The following ALCAM variants were observed in gnomAD, a reference collection of about 807,000 sequenced individuals.
ALCAM encodes activated leukocyte cell adhesion molecule.
In ALCAM, 30 loss-of-function variants were observed where a neutral mutation model predicts 70.9. The ratio of observed to expected loss-of-function variants is 0.42; its 90% CI spans 0.32 to 0.57. The LOEUF (loss-of-function observed/expected upper bound fraction) is 0.57. ALCAM is among the 20% of genes least tolerant of loss of function. The pLI, the probability that ALCAM is intolerant of heterozygous loss-of-function variation, is 0.11. For synonymous variants in ALCAM, 249 were observed against 242.5 expected (o/e 1.03, Z -0.25); for missense variants, 591 against 695.1 (o/e 0.85, Z 1.68).
chr3:105,518,827 T>A (rs1356495234), intron 1 of ALCAM, among the ~76,000 whole-genome samples: 1 of 152,102 alleles, frequency 6.6e-6, no homozygotes, highest in Admixed American at 6.6e-5. Flanking sequence ...TGTTGCATAT[T>A]TACATGAAGT....
At chr3:105,498,397 A>G (rs949134094) in intron 1 of ALCAM, among the ~76,000 whole-genome samples, 1 of 152,198 alleles carries the variant, frequency 6.6e-6, no homozygotes, top group East Asian at 1.9e-4. Context: ...TGTGCTAAGA[A>G]ATTCAGGACC....
intron 1 of ALCAM, among the ~76,000 whole-genome samples, chr3:105,514,589 A>T (rs1939330346): frequency 6.6e-6 from 1 of 152,018 alleles, no homozygotes; most frequent in Admixed American, 6.6e-5. Flanking sequence ...TAATAAAAAG[A>T]TAAATATTTA....
intron 1 of ALCAM, among the ~76,000 whole-genome samples, chr3:105,379,327 A>C (rs1018309893): frequency 6.6e-6 from 1 of 151,932 alleles, no homozygotes; most frequent in African/African-American, 2.4e-5. Context: ...ATCTGAATAC[A>C]TTTTGGGCTT....
At chr3:105,472,312 G>A (rs1937957999) in intron 1 of ALCAM, among the ~76,000 whole-genome samples, 1 of 151,492 alleles carries the variant, frequency 6.6e-6, no homozygotes, top group Non-Finnish European at 1.5e-5. Flanking sequence ...TACCTGAGAA[G>A]AATTCATTTC....
At chr3:105,520,046 C>T (rs1939491005) in intron 1 of ALCAM, 21 bp from the exon 2 acceptor site, 1 of 1,352,238 alleles carries the variant, frequency 7.4e-7, no homozygotes, top group South Asian at 1.4e-5. Context: ...TCTCTTCTTC[C>T]TTTTTTTTTT....
chr3:105,505,631 C>T (rs1290006853), intron 1 of ALCAM, among the ~76,000 whole-genome samples: 1 of 151,978 alleles, frequency 6.6e-6, no homozygotes, highest in Non-Finnish European at 1.5e-5. Flanking sequence ...GAATCAGAGC[C>T]TTTTAGATTA....
chr3:105,372,190 T>C (rs1444192877), intron 1 of ALCAM, among the ~76,000 whole-genome samples: 1 of 152,118 alleles, frequency 6.6e-6, no homozygotes, highest in Non-Finnish European at 1.5e-5. Context: ...ATAGATATTC[T>C]ATATTCAGGA....
intron 1 of ALCAM, among the ~76,000 whole-genome samples, chr3:105,459,253 T>C (rs755492535): frequency 1.3e-5 from 2 of 152,126 alleles, no homozygotes; most frequent in Non-Finnish European, 2.9e-5. Context: ...ACTCATCTCC[T>C]CTGTAAAGAC....
chr3:105,382,591 T>A (rs916340585), intron 1 of ALCAM, among the ~76,000 whole-genome samples: 1 of 151,962 alleles, frequency 6.6e-6, no homozygotes, highest in Admixed American at 6.6e-5. Flanking sequence ...CCACATCCTC[T>A]CCAGCACCTG....
chr3:105,460,421 T>C (rs2152597005), intron 1 of ALCAM, among the ~76,000 whole-genome samples: 1 of 152,158 alleles, frequency 6.6e-6, no homozygotes, highest in East Asian at 1.9e-4. Flanking sequence ...ACCAATTGTC[T>C]CTTAGATCAT....
chr3:105,472,699 G>A lies in ALCAM; in HGVS notation c.74-47368G>A, dbSNP rs1432052711. Among the ~76,000 whole-genome samples the A allele has an allele frequency of 9.9e-5, 15 of 151,406 alleles. No homozygotes were observed. In the Admixed American group the frequency reaches 9.9e-4, roughly 10 times the overall value. On this transcript the variant is annotated intron_variant, in intron 1 of 15. Coordinates refer to ENST00000306107, the MANE Select transcript of ALCAM (RefSeq NM_001627.4). ...GGAACATTCTTGTACGGATTGAGAT[G>A]TCTGAAAATCAAAACACTGAGTAAT...
chr3:105,540,128 T>G (rs1940078657), intron 7 of ALCAM, 26 bp downstream of exon 7: 3 of 1,600,014 alleles, frequency 1.9e-6, no homozygotes, highest in Admixed American at 3.4e-5. Context: ...TTACTTCAGT[T>G]GGATGACTAT....
chr3:105,382,289 A>G (rs13060146), intron 1 of ALCAM, among the ~76,000 whole-genome samples: 22,456 of 151,928 alleles, frequency 0.15, 1,824 homozygotes, highest in Admixed American at 0.25. Context: ...TTATGGCTGC[A>G]TAGTATTCCA....
At position 105,398,134 on chromosome 3, in the gene ALCAM, T is replaced by G. The variant is rs149800038; in HGVS notation, c.73+30653T>G. ...GTATTTCTGAAGTGGGGTTCCAAAT[T>G]TGCATTTCTAACAAGGTCCCATATG... is the stretch of plus-strand genomic sequence containing the variant. On this transcript the variant is annotated intron_variant, in intron 1 of 15. Transcript: ENST00000306107. 3.3e-5 allele frequency among the ~76,000 whole-genome samples: 5 copies of G among 152,184 alleles called. No homozygotes were observed. The East Asian group carries it at 9.7e-4, about 30-fold the overall frequency.
At chr3:105,427,743 G>A (rs1035120419) in intron 1 of ALCAM, among the ~76,000 whole-genome samples, 5 of 151,786 alleles carry the variant, frequency 3.3e-5, no homozygotes, top group South Asian at 2.1e-4. Flanking sequence ...GAGTTTCTCC[G>A]ATTTTTAGAT....
In ALCAM at chr3:105,575,211, ATTAT is replaced by A. The variant is rs1940936181; in HGVS notation, c.*763_*766del. 6.6e-6 allele frequency: 1 copy of A among 152,630 alleles called. No individual in the cohort carries two copies. Among genetic ancestry groups the A allele is most frequent in the Admixed American group, 6.6e-5 (1 of 15,260 alleles). 9.5% of individuals were successfully genotyped at this position (152,630 alleles called of 1,614,324 possible). ...TACCTCTACAGACACCTGCTAATAA[ATTAT>A]TTTCTGTCAAAAGAAAAAACACAAG... On this transcript the variant is annotated 3_prime_UTR_variant, in exon 16 of 16. Coordinates refer to ENST00000306107, the MANE Select transcript of ALCAM (RefSeq NM_001627.4).
intron 3 of ALCAM, among the ~76,000 whole-genome samples, chr3:105,527,613 CAG>C (rs1939737580): frequency 6.6e-6 from 1 of 151,318 alleles, no homozygotes; most frequent in African/African-American, 2.4e-5. Context: ...AAAAAGAAAA[CAG>C]AGGAGTTGCT....
chr3:105,415,946 G>T (rs1009923268), intron 1 of ALCAM, among the ~76,000 whole-genome samples: 1 of 152,108 alleles, frequency 6.6e-6, no homozygotes, highest in East Asian at 1.9e-4. Context: ...ATTCTCCATT[G>T]TATCTCTATA....
At chr3:105,418,308 T>C (rs540140845) in intron 1 of ALCAM, among the ~76,000 whole-genome samples, 13 of 151,884 alleles carry the variant, frequency 8.6e-5, no homozygotes, top group Non-Finnish European at 1.6e-4. Flanking sequence ...TTAAATTAGA[T>C]TTCAGTTTTT....
Sources: allele counts gnomAD v4.1 joint callset (sites outside exome capture counted in the v4.1 genomes callset), GRCh38; gene constraint gnomAD v4.1.1; transcripts MANE v1.5; gene names NCBI Gene and HGNC (gene_info 2026-07-23, HGNC 2026-07-21).